GOLGA4: variants seen among roughly 807,000 people sequenced by gnomAD.
GOLGA4 encodes golgin subfamily A member 4.
Under a neutral mutation model 265.9 loss-of-function variants are expected in GOLGA4, and 169 were observed. The ratio of observed to expected loss-of-function variants is 0.64; its 90% CI spans 0.56 to 0.72. The LOEUF is 0.72. Among genes scored for constraint, GOLGA4 ranks in the 30% least tolerant of loss-of-function variants. The pLI is 0.00. For missense variants in GOLGA4, 2,482 were observed against 2,483.4 expected (o/e 1.00, Z 0.01); for synonymous variants, 923 against 855.8 (o/e 1.08, Z -1.37).
chr3:37,334,315 G>GT (rs1578757665), intron 16 of GOLGA4, among the ~76,000 whole-genome samples: 1 of 152,244 alleles, frequency 6.6e-6, no homozygotes, highest in African/African-American at 2.4e-5. Flanking sequence ...GTTTTTTGCA[G>GT]TTTGAGACAA....
chr3:37,358,119 G>C (rs762034423), intron 22 of GOLGA4, among the ~76,000 whole-genome samples: 1 of 152,174 alleles, frequency 6.6e-6, no homozygotes, highest in Non-Finnish European at 1.5e-5. Flanking sequence ...GCTTGCAAGA[G>C]TGTGGATTGT....
chr3:37,329,213 TCAATA>T, intron 16 of GOLGA4, 120 bp downstream of exon 16: 2 of 710,528 alleles, frequency 2.8e-6, no homozygotes, highest in Non-Finnish European at 2.3e-6. Context: ...TTTTTTTGAC[TCAATA>T]TTATTCAAAT....
At chr3:37,275,655 T>A (rs1307493294) in intron 2 of GOLGA4, 1 of 1,610,198 alleles carries the variant, frequency 6.2e-7, no homozygotes, top group East Asian at 2.2e-5. Flanking sequence ...CACTTCCCCT[T>A]GCCAGCGGGG....
At chr3:37,278,160 AG>A (rs1447780556) in intron 2 of GOLGA4, among the ~76,000 whole-genome samples, 19 of 152,060 alleles carry the variant, frequency 1.2e-4, no homozygotes, top group African/African-American at 4.6e-4. Flanking sequence ...ATAAAAAAAA[AG>A]AATATTATTA....
intron 3 of GOLGA4, among the ~76,000 whole-genome samples, chr3:37,283,850 C>T (rs1218030567): frequency 3.3e-5 from 5 of 152,068 alleles, no homozygotes; most frequent in Non-Finnish European, 7.4e-5. Context: ...TTTATAATGT[C>T]ATGTAATATT....
chr3:37,251,426 TGAGGA>T lies in GOLGA4; in HGVS notation c.106_110del (p.Arg36GlnfsTer10), dbSNP rs779434281. On this transcript the variant is annotated frameshift_variant, in exon 2 of 24. Transcript: ENST00000361924. LOFTEE classifies it high-confidence loss of function. ...TCCAATTCTTCAACACCAACAAGAA[TGAGGA>T]GCAGGACATCTTCATTTACAGAGCA... 6.2e-7 allele frequency: 1 copy of T among 1,613,064 alleles called. No individual in the cohort carries two copies. Among genetic ancestry groups the T allele is most frequent in the South Asian group, 1.1e-5 (1 of 91,064 alleles).
intron 13 of GOLGA4, among the ~76,000 whole-genome samples, chr3:37,322,572 CA>C (rs1166893745): frequency 1.4e-4 from 22 of 152,140 alleles, no homozygotes; most frequent in Non-Finnish European, 3.1e-4. Flanking sequence ...CTAACACTTG[CA>C]AAAGGTTCCA....
Position 37,325,981 on chromosome 3 carries a change from A to G in GOLGA4, c.4095A>G (p.Lys1365=), listed in dbSNP as rs753633897. 1 of 1,612,796 alleles carries G rather than the reference A, an allele frequency of 6.2e-7. No homozygotes were observed. The highest frequency in any genetic ancestry group is 1.7e-5 in the Admixed American group (1 of 59,880). The change falls in exon 14 of 24, where the codon AAA becomes AAG. Residue 1365 remains lysine, a synonymous_variant. Coordinates refer to ENST00000361924, the MANE Select transcript of GOLGA4 (RefSeq NM_002078.5). ...VTLMKEELKE[K]KVEISSLSKQ... ...TGATGAAAGAAGAGCTTAAAGAAAA[A>G]AAAGTTGAGATTAGCAGTCTTAGTA...
intron 11 of GOLGA4, among the ~76,000 whole-genome samples, chr3:37,318,264 C>G (rs1320716922): frequency 1.3e-5 from 2 of 152,122 alleles, no homozygotes; most frequent in Non-Finnish European, 2.9e-5. Context: ...CCAGGCCAGT[C>G]TTGAACTCCT....
chr3:37,320,246 A>C (rs1446260468), intron 12 of GOLGA4: 1 of 152,172 alleles, frequency 6.6e-6, no homozygotes, highest in Non-Finnish European at 1.5e-5. Context: ...AAAGCCTTTT[A>C]TATAAGTTGC....
rs1362843640 is a variant in GOLGA4, at chr3:37,323,640, A to G, written c.1754A>G (p.Asn585Ser). The change falls in exon 14 of 24, where the codon AAT becomes AGT. Residue 585 changes from asparagine (N) to serine (S), a missense_variant. Transcript: ENST00000361924. Reference sequence around the variant, plus strand: ...GAAAAAAGCTTACAAGAAAACAAAAATCAGTCAAAAGATTTGGCTGTTCAT... The same window carrying G: ...GAAAAAAGCTTACAAGAAAACAAAAGTCAGTCAAAAGATTTGGCTGTTCAT... The part of the protein sequence containing the change: ...SLEKSLQENK[N>S]QSKDLAVHLE... 1.3e-5 allele frequency: 21 copies of G among 1,582,300 alleles called. No individual in the cohort carries two copies. The South Asian group carries it at 2.0e-4, about 15-fold the overall frequency.
At chr3:37,328,938 G>A (rs1405501706) in intron 15 of GOLGA4, 25 bp from the exon 16 acceptor site, 2 of 1,551,150 alleles carry the variant, frequency 1.3e-6, no homozygotes, top group East Asian at 2.3e-5. Flanking sequence ...GTGTTTTCTT[G>A]TGTGTGTTCA....
intron 4 of GOLGA4, among the ~76,000 whole-genome samples, chr3:37,288,868 A>G (rs1400167822): frequency 1.3e-5 from 2 of 152,244 alleles, no homozygotes; most frequent in Non-Finnish European, 1.5e-5. Flanking sequence ...TCCACACATT[A>G]TAAGTTTCAA....
chr3:37,311,537 A>G (rs1323431897), intron 10 of GOLGA4, among the ~76,000 whole-genome samples: 4 of 152,212 alleles, frequency 2.6e-5, no homozygotes, highest in African/African-American at 7.2e-5. Flanking sequence ...CTTAAAGCCA[A>G]TTTTAAAGTT....
intron 14 of GOLGA4, 37 bp from the exon 15 acceptor site, chr3:37,328,379 G>C: frequency 1.9e-6 from 3 of 1,600,124 alleles, no homozygotes; most frequent in Non-Finnish European, 2.6e-6. Context: ...CTTGTTCTTT[G>C]TGTGGCAGCA....
At chr3:37,251,132 A>C (rs1373712790) in intron 1 of GOLGA4, among the ~76,000 whole-genome samples, 2 of 152,156 alleles carry the variant, frequency 1.3e-5, no homozygotes, top group Non-Finnish European at 2.9e-5. Context: ...ACTTTATTTT[A>C]TATATGGAGA....
chr3:37,265,988 T>A (rs1195041792), intron 2 of GOLGA4, among the ~76,000 whole-genome samples: 1 of 146,884 alleles, frequency 6.8e-6, no homozygotes, highest in East Asian at 2.0e-4. Context: ...ATTGCATTAC[T>A]GTGCTCCAGC....
At chr3:37,298,559 T>C (rs993672862) in intron 7 of GOLGA4, among the ~76,000 whole-genome samples, 1 of 152,216 alleles carries the variant, frequency 6.6e-6, no homozygotes, top group Non-Finnish European at 1.5e-5. Flanking sequence ...TTTGGCTAAT[T>C]TGTTAGTCCT....
Position 37,276,168 on chromosome 3 carries a change from T to C in GOLGA4, c.163-5790T>C, listed in dbSNP as rs927970915. Reference sequence around the variant, plus strand: ...GCTCTTCGAACAGGGGATGACTACATTGCAATTGGAGCTGATGAGGAAGAA... The same window carrying C: ...GCTCTTCGAACAGGGGATGACTACACTGCAATTGGAGCTGATGAGGAAGAA... On this transcript the variant is annotated intron_variant, in intron 2 of 23. Coordinates refer to ENST00000361924, the MANE Select transcript of GOLGA4 (RefSeq NM_002078.5). The C allele has an allele frequency of 1.7e-5, 27 of 1,598,742 alleles. No individual in the cohort carries two copies. The East Asian group carries it at 6.0e-4, about 36-fold the overall frequency.
Sources: allele counts gnomAD v4.1 joint callset (sites outside exome capture counted in the v4.1 genomes callset), GRCh38; gene constraint gnomAD v4.1.1; transcripts MANE v1.5; gene names NCBI Gene and HGNC (gene_info 2026-07-23, HGNC 2026-07-21).